PLCB4: variants seen among roughly 807,000 people sequenced by gnomAD.
PLCB4 encodes phospholipase C beta 4, also known as 1-phosphatidylinositol 4,5-bisphosphate phosphodiesterase beta-4.
A neutral mutation model predicts 178.8 loss-of-function variants in PLCB4; 77 were observed. The ratio of observed to expected loss-of-function variants is 0.43; its 90% CI spans 0.36 to 0.52. The LOEUF (loss-of-function observed/expected upper bound fraction) is 0.52, where lower values mean the gene tolerates loss of function less well. PLCB4 is among the 20% of genes least tolerant of loss of function. PLCB4 has a pLI of 0.00. For missense variants in PLCB4, 1,024 were observed against 1,453.4 expected (o/e 0.70, Z 4.80); for synonymous variants, 496 against 490.8 (o/e 1.01, Z -0.14).
chr20:9,418,339 G>T (rs2040395574), intron 25 of PLCB4, among the ~76,000 whole-genome samples: 1 of 152,066 alleles, frequency 6.6e-6, no homozygotes, highest in Admixed American at 6.6e-5. Context: ...TATGGTATAA[G>T]GTAAAGATCC....
chr20:9,162,053 G>A (rs1453017789), intron 2 of PLCB4, among the ~76,000 whole-genome samples: 1 of 151,938 alleles, frequency 6.6e-6, no homozygotes, highest in Non-Finnish European at 1.5e-5. Flanking sequence ...TATTTCTTTA[G>A]CATGTTCTGT....
At chr20:9,295,181 A>G (rs913597705) in intron 3 of PLCB4, among the ~76,000 whole-genome samples, 6 of 152,116 alleles carry the variant, frequency 3.9e-5, no homozygotes, top group African/African-American at 1.2e-4. Flanking sequence ...TTTGTTTTCT[A>G]TGTTCCAAGA....
intron 2 of PLCB4, among the ~76,000 whole-genome samples, chr20:9,167,111 T>G (rs978030012): frequency 6.6e-6 from 1 of 152,154 alleles, no homozygotes; most frequent in Non-Finnish European, 1.5e-5. Flanking sequence ...TAGGTATGAT[T>G]TGCTTGGCTG....
chr20:9,458,994 A>C (rs963177428), intron 34 of PLCB4, among the ~76,000 whole-genome samples: 11 of 152,210 alleles, frequency 7.2e-5, no homozygotes, highest in Admixed American at 6.5e-4. Context: ...CTGGAGAAAC[A>C]TAAGGTGATA....
chr20:9,405,277 A>G lies in PLCB4; in HGVS notation c.1612-36A>G, dbSNP rs1266023506. The G allele has an allele frequency of 2.3e-6, 3 of 1,327,948 alleles. No homozygotes were observed. In the African/African-American group the frequency reaches 4.4e-5, roughly 19 times the overall value. 82.3% of individuals were successfully genotyped at this position (1,327,948 alleles called of 1,614,324 possible). On this transcript the variant is annotated intron_variant, in intron 20 of 39. Transcript: ENST00000378473. The stretch of plus-strand genomic sequence containing the variant: ...TAATAAATTTGGAATTTTGCCCTTT[A>G]GAGAAGTAAACAAATTATTTCCTTT...
At chr20:9,186,610 G>A (rs894527189) in intron 2 of PLCB4, among the ~76,000 whole-genome samples, 1 of 152,062 alleles carries the variant, frequency 6.6e-6, no homozygotes, top group Non-Finnish European at 1.5e-5. Context: ...GGCCGTTTTT[G>A]TGCCTTCTGG....
intron 3 of PLCB4, among the ~76,000 whole-genome samples, chr20:9,304,718 T>C (rs2094745247): frequency 6.6e-6 from 1 of 152,158 alleles, no homozygotes; most frequent in Admixed American, 6.6e-5. Context: ...TAGATATTAA[T>C]GGCAGTTAAT....
intron 3 of PLCB4, among the ~76,000 whole-genome samples, chr20:9,303,140 T>C (rs147433036): frequency 1.3e-5 from 2 of 152,118 alleles, no homozygotes; most frequent in African/African-American, 4.8e-5. Context: ...TCTCTGCAGA[T>C]CTGTTTTATA....
chr20:9,208,379 G>T (rs767011825), intron 2 of PLCB4, among the ~76,000 whole-genome samples: 11 of 152,126 alleles, frequency 7.2e-5, no homozygotes, highest in Non-Finnish European at 1.0e-4. Context: ...TCATTGATTG[G>T]TAGTTATTAC....
intron 32 of PLCB4, among the ~76,000 whole-genome samples, chr20:9,449,123 G>T (rs934519439): frequency 1.7e-4 from 26 of 152,062 alleles, no homozygotes; most frequent in African/African-American, 6.3e-4. Flanking sequence ...GGAAACTAGG[G>T]TAATGGTTTT....
intron 3 of PLCB4, among the ~76,000 whole-genome samples, chr20:9,246,678 C>T (rs1414269961): frequency 1.3e-5 from 2 of 151,894 alleles, no homozygotes; most frequent in African/African-American, 4.8e-5. Context: ...CTGCTATCTG[C>T]TGCATGATGA....
At chr20:9,379,208 C>T (rs896547411) in intron 12 of PLCB4, among the ~76,000 whole-genome samples, 2 of 152,146 alleles carry the variant, frequency 1.3e-5, no homozygotes, top group East Asian at 3.9e-4. Context: ...CACACATACA[C>T]ACACAAACAC....
chr20:9,314,549 G>A (rs2094877041), intron 4 of PLCB4, among the ~76,000 whole-genome samples: 1 of 152,116 alleles, frequency 6.6e-6, no homozygotes, highest in African/African-American at 2.4e-5. Context: ...GGGGGTACAT[G>A]TATGGATGCA....
chr20:9,409,752 ATATAAT>A (rs1258362978), intron 24 of PLCB4, among the ~76,000 whole-genome samples: 4 of 151,632 alleles, frequency 2.6e-5, no homozygotes, highest in African/African-American at 7.3e-5. Context: ...GGTTTCCAAT[ATATAAT>A]GACTTTTTTT....
At chr20:9,341,982 A>G (rs56173731) in intron 7 of PLCB4, among the ~76,000 whole-genome samples, 10,139 of 152,254 alleles carry the variant, frequency 0.067, 360 homozygotes, top group Middle Eastern at 0.095. Context: ...ATAAATAAAT[A>G]TAAATCTCAT....
intron 2 of PLCB4, among the ~76,000 whole-genome samples, chr20:9,198,497 AAAG>A (rs779525273): frequency 2.9e-4 from 44 of 152,338 alleles, no homozygotes; most frequent in Non-Finnish European, 6.3e-4. Flanking sequence ...GGAGTTATTG[AAAG>A]GGAATTGCAG....
intron 3 of PLCB4, among the ~76,000 whole-genome samples, chr20:9,222,489 A>G (rs1270752816): frequency 1.3e-5 from 2 of 152,192 alleles, no homozygotes; most frequent in Admixed American, 1.3e-4. Context: ...ATATTACGTG[A>G]ACAACATAGA....
chr20:9,246,248 A>T (rs550618344), intron 3 of PLCB4, among the ~76,000 whole-genome samples: 63 of 152,216 alleles, frequency 4.1e-4, no homozygotes, highest in African/African-American at 1.5e-3. Context: ...CCCTGTGCAT[A>T]AAAAAACATA....
intron 7 of PLCB4, among the ~76,000 whole-genome samples, chr20:9,342,354 T>C (rs1466368043): frequency 6.6e-6 from 1 of 152,132 alleles, no homozygotes; most frequent in Non-Finnish European, 1.5e-5. Flanking sequence ...GAAATAGTGT[T>C]TGTGACTCAC....
Sources: gnomAD v4.1 joint callset for allele counts (sites outside exome capture counted in the v4.1 genomes callset) on GRCh38, gnomAD v4.1.1 for gene constraint, MANE v1.5 for transcripts, NCBI Gene and HGNC (gene_info 2026-07-23, HGNC 2026-07-21) for gene names.